Variants in APP observed in about 807,000 individuals in gnomAD.
APP encodes the protein amyloid beta precursor protein.
Under a neutral mutation model 101.4 loss-of-function variants are expected in APP, and 31 were observed. The ratio of observed to expected loss-of-function variants is 0.31; its 90% confidence interval spans 0.23 to 0.41. The LOEUF (loss-of-function observed/expected upper bound fraction) is 0.41, where lower values mean the gene tolerates loss of function less well. Ranked by LOEUF, APP falls within the 10% of genes least tolerant of loss-of-function variation. The pLI is 1.00. For synonymous variants in APP, 366 were observed against 364.4 expected, an observed-to-expected ratio of 1.00 and a Z score of -0.05; for missense variants, 839 against 1,003.7, an observed-to-expected ratio of 0.84 and a Z score of 2.22.
intron 13 of APP, chr21:25,942,495 C>T (rs1394432359): frequency 3.3e-5 from 5 of 152,194 alleles, no homozygotes; most frequent in Non-Finnish European, 5.9e-5. Flanking sequence ...CTACCAAATG[C>T]TACGAGACGC....
At chr21:25,951,495 A>T (rs2041073420) in intron 13 of APP, among the ~76,000 whole-genome samples, 1 of 152,220 alleles carries the variant, frequency 6.6e-6, no homozygotes, top group African/African-American at 2.4e-5. Context: ...TCTATACAAA[A>T]GGCATGCATT....
intron 13 of APP, chr21:25,942,808 A>G (rs2146438971): frequency 6.6e-6 from 1 of 152,296 alleles, no homozygotes; most frequent in East Asian, 1.9e-4. Context: ...TGTTTTAACC[A>G]TTTTAAGTGT....
In APP at chr21:25,969,876, G is replaced by A. The variant is rs926322322; in HGVS notation, c.1458+5194C>T. Reference sequence around the variant, plus strand: ...AAACAAAAGAAAAGAAAAGAAAAGAGAAAAGAAAAGAGAAGATTAGAGAAG... The same window carrying A: ...AAACAAAAGAAAAGAAAAGAAAAGAAAAAAGAAAAGAGAAGATTAGAGAAG... On this transcript the variant is annotated intron_variant, in intron 11 of 17. Coordinates refer to ENST00000346798, the MANE Select transcript of APP (RefSeq NM_000484.4). 2.7e-5 allele frequency among the ~76,000 whole-genome samples: 3 copies of A among 111,924 alleles called. No individual in the cohort carries two copies. The Admixed American group carries it at 2.8e-4, about 11-fold the overall frequency. The allele number at this position is 111,924 out of a possible 152,430, so 73.4% of individuals were successfully genotyped here.
At chr21:25,971,104 G>A (rs1048359558) in intron 11 of APP, among the ~76,000 whole-genome samples, 1 of 151,866 alleles carries the variant, frequency 6.6e-6, no homozygotes, top group Non-Finnish European at 1.5e-5. Context: ...CTGGAGTGCA[G>A]TGGCACAATC....
chr21:25,907,326 G>A (rs1411632997), intron 14 of APP, among the ~76,000 whole-genome samples: 1 of 152,116 alleles, frequency 6.6e-6, no homozygotes, highest in African/African-American at 2.4e-5. Flanking sequence ...TCAGGGAGCA[G>A]ACATTAAAAG....
chr21:26,068,691 T>C (rs1319636605), intron 3 of APP, among the ~76,000 whole-genome samples: 1 of 152,218 alleles, frequency 6.6e-6, no homozygotes, highest in Non-Finnish European at 1.5e-5. Flanking sequence ...TTAAATTCAA[T>C]CTTCTCCAGT....
chr21:26,038,469 A>G (rs1389761073), intron 5 of APP, among the ~76,000 whole-genome samples: 1 of 152,134 alleles, frequency 6.6e-6, no homozygotes, highest in African/African-American at 2.4e-5. Flanking sequence ...TTTGACTAAG[A>G]AAAAAATCAC....
At chr21:26,096,478 C>G (rs930542842) in intron 2 of APP, among the ~76,000 whole-genome samples, 52 of 145,816 alleles carry the variant, frequency 3.6e-4, no homozygotes, top group African/African-American at 1.1e-3. Flanking sequence ...GCACCATCCC[C>G]TATAGCTTAT....
At chr21:26,019,901 GC>G (rs1381771541) in intron 6 of APP, among the ~76,000 whole-genome samples, 2 of 152,178 alleles carry the variant, frequency 1.3e-5, no homozygotes, top group Non-Finnish European at 2.9e-5. Context: ...CCCTGAGAAA[GC>G]ATGTCTCAGT....
chr21:26,005,390 G>A (rs558188469), intron 6 of APP, among the ~76,000 whole-genome samples: 34 of 152,186 alleles, frequency 2.2e-4, no homozygotes, highest in Admixed American at 9.2e-4. Context: ...CTCCAGCCTG[G>A]GCGACAGAGT....
chr21:26,002,233 C>T (rs2043327150), intron 6 of APP, among the ~76,000 whole-genome samples: 1 of 152,222 alleles, frequency 6.6e-6, no homozygotes, highest in Admixed American at 6.5e-5. Context: ...GAGTGTTTGA[C>T]ACCTTCTGGG....
At chr21:25,951,519 A>C (rs901282836) in intron 13 of APP, among the ~76,000 whole-genome samples, 3 of 152,208 alleles carry the variant, frequency 2.0e-5, no homozygotes, top group African/African-American at 7.2e-5. Context: ...AGGGACTTTA[A>C]AATTTTCTCC....
At chr21:26,010,710 A>C (rs1365227766) in intron 6 of APP, among the ~76,000 whole-genome samples, 4 of 148,036 alleles carry the variant, frequency 2.7e-5, no homozygotes, top group Non-Finnish European at 6.0e-5. Context: ...AATCCCAGCT[A>C]CTTGGGAGGC....
intron 8 of APP, 58 bp downstream of exon 8, chr21:25,997,302 G>A: frequency 1.3e-6 from 2 of 1,502,504 alleles, no homozygotes; most frequent in South Asian, 1.1e-5. Flanking sequence ...CTGGAGTTAT[G>A]TGAACCAAGC....
At chr21:26,100,914 T>C (rs561857787) in intron 2 of APP, among the ~76,000 whole-genome samples, 1 of 152,252 alleles carries the variant, frequency 6.6e-6, no homozygotes, top group East Asian at 1.9e-4. Context: ...CTGCCTGCAT[T>C]TGAGGCTTAA....
rs373181927 is a variant in APP, at chr21:25,990,983, T to C, written c.1090+6377A>G. ...GTGTATATATACCACGGAATACTAG[T>C]AGGCCAGAAAAACCACAAAATAAAA... On this transcript the variant is annotated intron_variant, in intron 8 of 17. Coordinates refer to ENST00000346798, the MANE Select transcript of APP (RefSeq NM_000484.4). Among the ~76,000 whole-genome samples, 161 of 152,264 alleles carry C rather than the reference T, an allele frequency of 1.1e-3. 1 individual carries two copies. In the South Asian group the frequency reaches 0.022, roughly 20 times the overall value.
intron 5 of APP, among the ~76,000 whole-genome samples, chr21:26,047,342 G>A (rs1353935518): frequency 2.0e-5 from 3 of 152,150 alleles, no homozygotes; most frequent in Admixed American, 6.5e-5. Context: ...GAATTGTCAC[G>A]TAGCATCCCC....
rs1162181040 is a variant in APP, at chr21:26,053,358, A to G, written c.356-10T>C. 3.2e-6 allele frequency: 5 copies of G among 1,560,416 alleles called. No individual in the cohort carries two copies. Among genetic ancestry groups the G allele is most frequent in the Non-Finnish European group, 4.4e-6 (5 of 1,131,248 alleles). Reference sequence around the variant, plus strand: ...CTTACAAACTCACCAACTGAAAGAAAGGAAAACCACTTCCCGTCATTCCAT... The same window carrying G: ...CTTACAAACTCACCAACTGAAAGAAGGGAAAACCACTTCCCGTCATTCCAT... On this transcript the variant is annotated splice_polypyrimidine_tract_variant and intron_variant, in intron 3 of 17. Coordinates refer to ENST00000346798, the MANE Select transcript of APP (RefSeq NM_000484.4).
chr21:25,916,991 T>C (rs2039381623), intron 13 of APP, among the ~76,000 whole-genome samples: 1 of 152,050 alleles, frequency 6.6e-6, no homozygotes, highest in African/African-American at 2.4e-5. Flanking sequence ...TGGCCAGGCG[T>C]GGTGGCTCAC....
Sources: gnomAD v4.1 joint callset for allele counts (sites outside exome capture counted in the v4.1 genomes callset) on GRCh38, gnomAD v4.1.1 for gene constraint, MANE v1.5 for transcripts, NCBI Gene and HGNC (gene_info 2026-07-23, HGNC 2026-07-21) for gene names.